Variants in SHROOM3 observed in about 807,000 individuals in gnomAD.
The protein encoded by SHROOM3 is protein Shroom3.
In SHROOM3, 47 loss-of-function variants were observed where a neutral mutation model predicts 138.6. That is an observed-to-expected ratio of 0.34 (90% CI 0.27 to 0.43). SHROOM3 has a LOEUF of 0.43. SHROOM3 is among the 20% of genes least tolerant of loss of function. The pLI, the probability that SHROOM3 is intolerant of heterozygous loss-of-function variation, is 1.00. For synonymous variants in SHROOM3, 1,062 were observed against 1,063.3 expected, an observed-to-expected ratio of 1.00 and a Z score of 0.02; for missense variants, 2,491 against 2,596.5, an observed-to-expected ratio of 0.96 and a Z score of 0.88.
chr4:76,540,259 G>A (rs1180913364), intron 1 of SHROOM3, among the ~76,000 whole-genome samples: 2 of 152,224 alleles, frequency 1.3e-5, no homozygotes, highest in African/African-American at 4.8e-5. Context: ...TCCTGCATGA[G>A]TTTTATTACC....
chr4:76,621,856 G>T (rs1735014358), intron 2 of SHROOM3, among the ~76,000 whole-genome samples: 1 of 146,508 alleles, frequency 6.8e-6, no homozygotes. Context: ...TTGAGACAGA[G>T]TCTCACTCTG....
chr4:76,571,903 C>G (rs140267104), intron 2 of SHROOM3, among the ~76,000 whole-genome samples: 8 of 152,026 alleles, frequency 5.3e-5, no homozygotes. Context: ...ATGGGCTGTA[C>G]GTGGGTCAAA....
intron 1 of SHROOM3, among the ~76,000 whole-genome samples, chr4:76,542,617 GCT>G (rs1267197121): frequency 1.3e-5 from 2 of 152,214 alleles, no homozygotes; most frequent in African/African-American, 4.8e-5. Flanking sequence ...TCTGTGGAAG[GCT>G]CTGGAAGCTA....
chr4:76,608,628 T>TAGCAC, intron 2 of SHROOM3, among the ~76,000 whole-genome samples: 1 of 14,192 alleles, frequency 7.0e-5, no homozygotes, highest in African/African-American at 1.1e-4. Flanking sequence ...AGAGATGGTA[T>TAGCAC]AGCATAGCAT....
intron 2 of SHROOM3, among the ~76,000 whole-genome samples, chr4:76,638,572 T>G (rs1301687420): frequency 6.6e-6 from 1 of 152,194 alleles, no homozygotes; most frequent in African/African-American, 2.4e-5. Context: ...TCTTTTTTAG[T>G]CAAAATATTC....
At chr4:76,617,473 C>G (rs1274909910) in intron 2 of SHROOM3, among the ~76,000 whole-genome samples, 1 of 152,146 alleles carries the variant, frequency 6.6e-6, no homozygotes, top group Non-Finnish European at 1.5e-5. Context: ...CAGTGGGTGA[C>G]ATTATGAAAA....
At chr4:76,661,976 C>G (rs1718506699) in intron 2 of SHROOM3, among the ~76,000 whole-genome samples, 1 of 152,156 alleles carries the variant, frequency 6.6e-6, no homozygotes, top group Non-Finnish European at 1.5e-5. Context: ...CCATTTTGTT[C>G]CATAACCTTC....
intron 2 of SHROOM3, among the ~76,000 whole-genome samples, chr4:76,614,622 T>C (rs934438282): frequency 1.1e-4 from 16 of 152,214 alleles, no homozygotes; most frequent in Non-Finnish European, 2.1e-4. Context: ...GTATTTGTCC[T>C]AATGCTCTCC....
intron 2 of SHROOM3, among the ~76,000 whole-genome samples, chr4:76,685,760 C>T (rs1719318320): frequency 6.6e-6 from 1 of 152,168 alleles, no homozygotes; most frequent in Non-Finnish European, 1.5e-5. Flanking sequence ...GGGCAGATCA[C>T]TTGAGGTCAG....
intron 2 of SHROOM3, chr4:76,575,429 A>G (rs1340829045): frequency 6.6e-6 from 1 of 152,214 alleles, no homozygotes; most frequent in Non-Finnish European, 1.5e-5. Context: ...TTTGCAGATA[A>G]GATGATCTTA....
At chr4:76,665,874 C>T (rs765428926) in intron 2 of SHROOM3, among the ~76,000 whole-genome samples, 3 of 150,940 alleles carry the variant, frequency 2.0e-5, no homozygotes, top group Non-Finnish European at 3.0e-5. Flanking sequence ...TGCCATCAGG[C>T]GTGACATCCT....
chr4:76,606,016 T>A (rs1296570738), intron 2 of SHROOM3, among the ~76,000 whole-genome samples: 38 of 133,658 alleles, frequency 2.8e-4, no homozygotes, highest in Admixed American at 6.1e-4. Context: ...TATTTTTTTT[T>A]TTTTTTTTTT....
intron 2 of SHROOM3, among the ~76,000 whole-genome samples, chr4:76,619,460 A>C (rs1327820336): frequency 6.6e-6 from 1 of 152,214 alleles, no homozygotes; most frequent in Non-Finnish European, 1.5e-5. Context: ...TTCACATTGT[A>C]GTGAAATTTA....
chr4:76,625,668 T>C (rs546230402), intron 2 of SHROOM3, among the ~76,000 whole-genome samples: 55 of 152,176 alleles, frequency 3.6e-4, no homozygotes, highest in Non-Finnish European at 7.5e-4. Context: ...CCGAGAACCA[T>C]GTCCAGTTCC....
chr4:76,551,686 G>T (rs1733356519), intron 1 of SHROOM3, among the ~76,000 whole-genome samples: 1 of 151,996 alleles, frequency 6.6e-6, no homozygotes, highest in Non-Finnish European at 1.5e-5. Flanking sequence ...GGTGGGGAGG[G>T]GTGGGACTGT....
At chr4:76,570,828 A>C (rs1733821200) in intron 2 of SHROOM3, among the ~76,000 whole-genome samples, 1 of 152,202 alleles carries the variant, frequency 6.6e-6, no homozygotes, top group African/African-American at 2.4e-5. Flanking sequence ...AAGTGTGCAG[A>C]CTACGTGGGT....
Position 76,739,363 on chromosome 4 carries a change from A to T in SHROOM3, c.1190A>T (p.His397Leu). The change falls in exon 5 of 11, where the codon CAC becomes CTC. Residue 397 changes from histidine (H) to leucine (L), a missense_variant. Coordinates refer to ENST00000296043, the MANE Select transcript of SHROOM3 (RefSeq NM_020859.4). ...AGTGACAGTTACGCAGCATTTCGGC[A>T]CCGTGAGCGGCCCAGCTCCTGGTCT... ...ARSDSYAAFR[H>L]RERPSSWSSL... The T allele has an allele frequency of 6.2e-7, 1 of 1,614,074 alleles. No homozygotes were observed. Among genetic ancestry groups the T allele is most frequent in the Non-Finnish European group, 8.5e-7 (1 of 1,180,030 alleles).
Position 76,552,023 on chromosome 4 carries a change from G to A in SHROOM3, c.169-3586G>A, listed in dbSNP as rs1055280020. On this transcript the variant is annotated intron_variant, in intron 1 of 10. Coordinates refer to ENST00000296043, the MANE Select transcript of SHROOM3 (RefSeq NM_020859.4). ...ACTACAGGCGCCCGCCATCACGCCC[G>A]GCTAATTTTTTGTATCTTTAGTAGA... is the stretch of plus-strand genomic sequence containing the variant. Among the ~76,000 whole-genome samples the A allele has an allele frequency of 1.4e-4, 16 of 118,164 alleles. 1 individual carries two copies. The highest frequency in any genetic ancestry group is 4.6e-4 in the East Asian group (2 of 4,328). The allele number at this position is 118,164 out of a possible 152,430, so 77.5% of individuals were successfully genotyped here.
intron 2 of SHROOM3, among the ~76,000 whole-genome samples, chr4:76,569,200 T>G (rs1266558698): frequency 6.6e-6 from 1 of 152,248 alleles, no homozygotes; most frequent in Non-Finnish European, 1.5e-5. Context: ...GGCTTACGTT[T>G]CTCACCAGTG....
Sources: gnomAD v4.1 joint callset for allele counts (sites outside exome capture counted in the v4.1 genomes callset) on GRCh38, gnomAD v4.1.1 for gene constraint, MANE v1.5 for transcripts, NCBI Gene and HGNC (gene_info 2026-07-23, HGNC 2026-07-21) for gene names.